DNAJC13: variants seen among roughly 807,000 people sequenced by gnomAD.
DNAJC13 encodes the protein DnaJ heat shock protein family (Hsp40) member C13.
A neutral mutation model predicts 290.5 loss-of-function variants in DNAJC13; 75 were observed. The ratio of observed to expected loss-of-function variants is 0.26; its 90% CI spans 0.21 to 0.31. The LOEUF (loss-of-function observed/expected upper bound fraction) is 0.31. DNAJC13 is among the 10% of genes least tolerant of loss of function. The probability of loss-of-function intolerance (pLI) is 1.00; values close to 1 mark genes in which losing one functional copy is unlikely to be tolerated. For missense variants in DNAJC13, 2,260 were observed against 2,674.5 expected (o/e 0.85, Z 3.42); for synonymous variants, 862 against 892.0 (o/e 0.97, Z 0.60).
chr3:132,454,528 T>G (rs998756385), intron 9 of DNAJC13, among the ~76,000 whole-genome samples: 3 of 151,714 alleles, frequency 2.0e-5, no homozygotes, highest in African/African-American at 7.3e-5. Context: ...TTAGTAGAGA[T>G]GGGGTTTCGC....
In DNAJC13 at chr3:132,502,281, T is replaced by G; in HGVS notation, c.4537-8T>G. On this transcript the variant is annotated splice_region_variant and splice_polypyrimidine_tract_variant and intron_variant, in intron 39 of 55. Coordinates refer to ENST00000260818, the MANE Select transcript of DNAJC13 (RefSeq NM_015268.4). ...TAACAACTAATGCTCTCATTTTTAT[T>G]CTCTCAGAGTATTCCCCGCGTAGCT... 6.3e-7 allele frequency: 1 copy of G among 1,591,430 alleles called. No individual in the cohort carries two copies. The highest frequency in any genetic ancestry group is 8.5e-7 in the Non-Finnish European group (1 of 1,171,412).
At chr3:132,435,162 G>T (rs966278898) in intron 2 of DNAJC13, among the ~76,000 whole-genome samples, 1 of 152,144 alleles carries the variant, frequency 6.6e-6, no homozygotes, top group African/African-American at 2.4e-5. Context: ...TCTGTAAGAT[G>T]GTTGGTAATT....
In DNAJC13 at chr3:132,516,695, C is replaced by T. The variant is rs1255163848; in HGVS notation, c.5561-9C>T. The stretch of plus-strand genomic sequence containing the variant: ...CTTTATAAGCACTAATTATCTTTTT[C>T]CTTCATAGGTGCTTTGATCTATTTA... On this transcript the variant is annotated splice_polypyrimidine_tract_variant and intron_variant, in intron 47 of 55. Transcript: ENST00000260818. 3.1e-6 allele frequency: 5 copies of T among 1,600,460 alleles called. No individual in the cohort carries two copies. Among genetic ancestry groups the T allele is most frequent in the Middle Eastern group, 1.7e-4 (1 of 6,008 alleles).
intron 17 of DNAJC13, among the ~76,000 whole-genome samples, chr3:132,464,257 C>A (rs1933903982): frequency 6.6e-6 from 1 of 152,286 alleles, no homozygotes; most frequent in Non-Finnish European, 1.5e-5. Flanking sequence ...ACATATCCAG[C>A]CTAAGCTAGA....
chr3:132,471,881 A>G (rs549875350), intron 20 of DNAJC13, among the ~76,000 whole-genome samples: 7 of 145,404 alleles, frequency 4.8e-5, no homozygotes, highest in African/African-American at 1.5e-4. Context: ...GCACTTTGGG[A>G]GGCCAAGGCA....
chr3:132,523,377 G>A (rs1029313702), intron 50 of DNAJC13, among the ~76,000 whole-genome samples, 163 bp from the exon 51 acceptor site: 4 of 152,130 alleles, frequency 2.6e-5, no homozygotes, highest in South Asian at 2.1e-4. Context: ...GTTAGTAAGG[G>A]CACCCTTTCT....
chr3:132,489,790 C>G (rs1213995856), intron 31 of DNAJC13, among the ~76,000 whole-genome samples: 2 of 151,906 alleles, frequency 1.3e-5, no homozygotes, highest in African/African-American at 2.4e-5. Context: ...TTAAAGATGC[C>G]CATGGCAGCA....
chr3:132,528,391 G>T, intron 54 of DNAJC13, 59 bp downstream of exon 54: 4 of 1,593,228 alleles, frequency 2.5e-6, no homozygotes, highest in East Asian at 4.5e-5. Context: ...GGCCATGGAT[G>T]GTCCACGTAC....
chr3:132,461,353 T>C (rs1457423247), intron 15 of DNAJC13, 148 bp downstream of exon 15: 1 of 803,778 alleles, frequency 1.2e-6, no homozygotes, highest in African/African-American at 1.7e-5. Flanking sequence ...AGAAGAGTTG[T>C]CTTGGGCCAC....
At chr3:132,468,064 G>A (rs965660386) in intron 20 of DNAJC13, among the ~76,000 whole-genome samples, 5 of 152,128 alleles carry the variant, frequency 3.3e-5, no homozygotes, top group Non-Finnish European at 5.9e-5. Context: ...TTTATTGTGC[G>A]TACTTAAATT....
Position 132,528,105 on chromosome 3 carries a change from G to A in DNAJC13, c.6382-84G>A, listed in dbSNP as rs550218878. Reference sequence around the variant, plus strand: ...TACGGTGCAACAGGCTGCCTTCCAGGTAGGTCCTGGGGGTAAAATTATTTC... The same window carrying A: ...TACGGTGCAACAGGCTGCCTTCCAGATAGGTCCTGGGGGTAAAATTATTTC... On this transcript the variant is annotated intron_variant, in intron 53 of 55. Transcript: ENST00000260818. The A allele has an allele frequency of 2.1e-3, 3,229 of 1,513,794 alleles. 3 individuals carry two copies. The highest frequency in any genetic ancestry group is 2.7e-3 in the Non-Finnish European group (3,002 of 1,107,674). The allele number at this position is 1,513,794 out of a possible 1,614,324, so 93.8% of individuals were successfully genotyped here. A position where few individuals can be genotyped will look rare whatever the true frequency, so the allele number is the denominator to read the frequency against.
chr3:132,483,481 G>A lies in DNAJC13; in HGVS notation c.3086G>A (p.Cys1029Tyr). Residue 1029 changes from cysteine (C) to tyrosine (Y), a missense_variant, in exon 28 of 56, where the codon TGT becomes TAT. Around this residue, in one of 3 missense-constraint regions of DNAJC13, gnomAD observed 1,494 missense variants for 1,693.7 expected, o/e 0.88. Transcript: ENST00000260818. ...CAGTCCATACCCCAGCTTAAGTGGT[G>A]TCTCTTAGCCAGTGGACAGGCTGTC... The part of the protein sequence containing the change: ...PLQSIPQLKW[C>Y]LLASGQAVLN... The A allele has an allele frequency of 6.2e-7, 1 of 1,614,160 alleles. No homozygotes were observed. The highest frequency in any genetic ancestry group is 8.5e-7 in the Non-Finnish European group (1 of 1,180,004).
rs758198459 is a variant in DNAJC13, at chr3:132,502,277, T to G, written c.4537-12T>G. The G allele has an allele frequency of 5.0e-6, 8 of 1,587,076 alleles. No homozygotes were observed. The highest frequency in any genetic ancestry group is 1.7e-4 in the Middle Eastern group (1 of 5,902). ...TCTGTAACAACTAATGCTCTCATTT[T>G]TATTCTCTCAGAGTATTCCCCGCGT... On this transcript the variant is annotated splice_polypyrimidine_tract_variant and intron_variant, in intron 39 of 55. Transcript: ENST00000260818.
Position 132,522,956 on chromosome 3 carries a change from C to G in DNAJC13, c.5802C>G (p.Ser1934=). ...CTGAGTTAATTTGGAATGATAATTC[C>G]AGAGATAAAGTGTCCACAACAGTTA... ...ENPELIWNDN[S]RDKVSTTVRE... Residue 1934 remains serine (S), a synonymous_variant, in exon 49 of 56, where the codon TCC becomes TCG. Coordinates refer to ENST00000260818, the MANE Select transcript of DNAJC13 (RefSeq NM_015268.4). The G allele has an allele frequency of 6.2e-7, 1 of 1,613,054 alleles. No individual in the cohort carries two copies. Among genetic ancestry groups the G allele is most frequent in the Non-Finnish European group, 8.5e-7 (1 of 1,179,662 alleles).
Position 132,447,465 on chromosome 3 carries a change from G to C in DNAJC13, c.289G>C (p.Ala97Pro). The change falls in exon 4 of 56, where the codon GCA (alanine) becomes CCA (proline). Residue 97 changes from alanine to proline, a missense_variant. Ala to Pro is a conservative substitution (Grantham distance 27). Transcript: ENST00000260818. ...GCACAGAACAGAACTTCTTACAGAA[G>C]CATTGGTAAGAAGATTCCATGTTCA... ...TEHRTELLTE[A>P]LRFRTDFSEG... The C allele has an allele frequency of 6.4e-7, 1 of 1,569,658 alleles. No individual in the cohort carries two copies. Among genetic ancestry groups the C allele is most frequent in the Non-Finnish European group, 8.6e-7 (1 of 1,166,296 alleles).
intron 42 of DNAJC13, among the ~76,000 whole-genome samples, 187 bp downstream of exon 42, chr3:132,505,602 T>C (rs1341367090): frequency 1.3e-5 from 2 of 152,216 alleles, no homozygotes; most frequent in Non-Finnish European, 2.9e-5. Context: ...ACATTAGGAA[T>C]TTTTATTGTT....
chr3:132,478,631 G>A (rs766375108), intron 24 of DNAJC13, among the ~76,000 whole-genome samples: 2 of 152,306 alleles, frequency 1.3e-5, no homozygotes, highest in African/African-American at 2.4e-5. Flanking sequence ...ATTAGTGGAC[G>A]TGGTGGCATG....
chr3:132,428,788 G>A (rs187440919), intron 1 of DNAJC13, among the ~76,000 whole-genome samples: 100 of 152,280 alleles, frequency 6.6e-4, no homozygotes, highest in Admixed American at 2.5e-3. Flanking sequence ...CGGATGGAGC[G>A]CAGTGGTGCC....
In DNAJC13 at chr3:132,511,093, C is replaced by T. The variant is rs751832631; in HGVS notation, c.5142C>T (p.Leu1714=). 6.2e-7 allele frequency: 1 copy of T among 1,613,762 alleles called. No homozygotes were observed. The highest frequency in any genetic ancestry group is 1.7e-5 in the Admixed American group (1 of 59,998). Reference sequence around the variant, plus strand: ...TTCCAAAAGCATTTGCTGCAAGTCTCTTGGATTATATAGGCTCGCAGGCCC... The same window carrying T: ...TTCCAAAAGCATTTGCTGCAAGTCTTTTGGATTATATAGGCTCGCAGGCCC... ...LEVPKAFAAS[L]LDYIGSQAQY... is the part of the protein sequence containing the mutation. Residue 1714 remains leucine, a synonymous_variant, in exon 44 of 56, where the codon CTC becomes CTT. Transcript: ENST00000260818.
Sources: allele counts gnomAD v4.1 joint callset (sites outside exome capture counted in the v4.1 genomes callset), GRCh38; gene constraint gnomAD v4.1.1; regional missense constraint gnomAD v4.1.1; transcripts MANE v1.5; gene names NCBI Gene and HGNC (gene_info 2026-07-23, HGNC 2026-07-21).